The following DNM2 variants were observed in gnomAD, a reference collection of about 807,000 sequenced individuals.
The protein encoded by DNM2 is dynamin-2.
In DNM2, 15 loss-of-function variants were observed where a neutral mutation model predicts 99.0. The ratio of observed to expected loss-of-function variants is 0.15; its 90% CI spans 0.10 to 0.23. The LOEUF is 0.23. Among genes scored for constraint, DNM2 ranks in the 10% least tolerant of loss-of-function variants. DNM2 has a pLI of 1.00. For missense variants in DNM2, 742 were observed against 1,189.4 expected (o/e 0.62, Z 5.53); for synonymous variants, 525 against 481.2 (o/e 1.09, Z -1.19).
chr19:10,766,788 C>T (rs1433306904), intron 2 of DNM2, among the ~76,000 whole-genome samples: 1 of 152,114 alleles, frequency 6.6e-6, no homozygotes, highest in Non-Finnish European at 1.5e-5. Flanking sequence ...ACTCCCTGGC[C>T]TTGGCAGCGT....
At chr19:10,779,502 C>CTTTCTTTTTTTTTTTTTTTTTTTTTTTTT (rs1290878626) in intron 5 of DNM2, among the ~76,000 whole-genome samples, 2 of 29,602 alleles carry the variant, frequency 6.8e-5, no homozygotes, top group African/African-American at 1.4e-4. Context: ...TTCTTTCTTT[C>CTTTCTTTTTTTTTTTTTTTTTTTTTTTTT]TTTTTTTTTT....
At chr19:10,755,064 C>T (rs368139047) in intron 1 of DNM2, 3 of 152,208 alleles carry the variant, frequency 2.0e-5, no homozygotes, top group Non-Finnish European at 4.4e-5. Flanking sequence ...AGTTCAAGTC[C>T]ACCCTGTGAC....
Position 10,830,503 on chromosome 19 carries a change from C to A in DNM2, c.2543+125C>A. ...GCTGGAGTGGAGGAATCGTCCTCAT[C>A]CCTATTTGGCTTGCGAGGAAACAGG... On this transcript the variant is annotated intron_variant, in intron 20 of 20. Transcript: ENST00000389253. This position sits in a 1 kb window ranked among gnomAD's most constrained non-coding sequence, Gnocchi z 4.8. 2.6e-6 allele frequency: 3 copies of A among 1,165,000 alleles called. No homozygotes were observed. The highest frequency in any genetic ancestry group is 3.6e-6 in the Non-Finnish European group (3 of 831,028). The allele number at this position is 1,165,000 out of a possible 1,614,324, so 72.2% of individuals were successfully genotyped here.
chr19:10,776,916 A>G (rs2071175515), intron 4 of DNM2, among the ~76,000 whole-genome samples: 1 of 152,186 alleles, frequency 6.6e-6, no homozygotes. Context: ...GCTCACCCTT[A>G]TGACCACCCT....
chr19:10,745,053 G>A (rs1051970708), intron 1 of DNM2, among the ~76,000 whole-genome samples: 1 of 152,112 alleles, frequency 6.6e-6, no homozygotes, highest in African/African-American at 2.4e-5. Flanking sequence ...TTCAAATCAC[G>A]TTGGAGACTA....
intron 1 of DNM2, among the ~76,000 whole-genome samples, chr19:10,723,359 C>T (rs2069004981): frequency 6.6e-6 from 1 of 152,128 alleles, no homozygotes; most frequent in Non-Finnish European, 1.5e-5. Flanking sequence ...TCTCGAACTC[C>T]CGACCTCAGG....
At chr19:10,761,266 C>T (rs1408805809) in intron 2 of DNM2, among the ~76,000 whole-genome samples, 3 of 152,088 alleles carry the variant, frequency 2.0e-5, no homozygotes, top group East Asian at 3.9e-4. Flanking sequence ...GGATTACAGG[C>T]GTGAGCCACC....
At chr19:10,756,417 A>G (rs773417892) in intron 1 of DNM2, among the ~76,000 whole-genome samples, 1 of 152,014 alleles carries the variant, frequency 6.6e-6, no homozygotes, top group Non-Finnish European at 1.5e-5. Context: ...GCTCCTTTTC[A>G]TGCAAGCCAT....
intron 1 of DNM2, among the ~76,000 whole-genome samples, chr19:10,729,158 C>G: frequency 1.6e-5 from 1 of 62,704 alleles, no homozygotes; most frequent in Non-Finnish European, 2.7e-5. Context: ...GAGCGAGACT[C>G]CGTCTCAAAA....
At chr19:10,734,223 G>A (rs1235643409) in intron 1 of DNM2, among the ~76,000 whole-genome samples, 1 of 151,336 alleles carries the variant, frequency 6.6e-6, no homozygotes, top group Non-Finnish European at 1.5e-5. Context: ...TACACCTGTA[G>A]TCCCAGCCAC....
chr19:10,744,079 G>T (rs910906608), intron 1 of DNM2, among the ~76,000 whole-genome samples: 2 of 151,582 alleles, frequency 1.3e-5, no homozygotes, highest in Admixed American at 6.6e-5. Context: ...AATCACTTGA[G>T]CCCAGGAGGC....
rs2071122596 is a variant in DNM2 at position 10,775,460 on chromosome 19, C to G, written c.386-243C>G. On this transcript the variant is annotated intron_variant, in intron 3 of 20. Transcript: ENST00000389253. The surrounding 1 kb of genome is among the most constrained non-coding windows in gnomAD (Gnocchi z 4.3). ...ATTTATTCAGTCATTTAGGTCTATT[C>G]CAGTCTGAACTGTCCTGATTTAGAA... 6.6e-6 allele frequency among the ~76,000 whole-genome samples: 1 copy of G among 152,172 alleles called. No homozygotes were observed. The highest frequency in any genetic ancestry group is 1.5e-5 in the Non-Finnish European group (1 of 68,046).
chr19:10,793,899 C>G, intron 8 of DNM2, 44 bp downstream of exon 8: 1 of 1,613,764 alleles, frequency 6.2e-7, no homozygotes, highest in Non-Finnish European at 8.5e-7. Flanking sequence ...TGGTCAGGCA[C>G]CCTCCTGCTG....
intron 6 of DNM2, among the ~76,000 whole-genome samples, chr19:10,786,189 CA>C (rs1371086120): frequency 6.6e-6 from 1 of 152,196 alleles, no homozygotes; most frequent in Non-Finnish European, 1.5e-5. Context: ...TCCACCTTTT[CA>C]GGGGCGATCT....
chr19:10,748,599 A>G (rs1408593732), intron 1 of DNM2, among the ~76,000 whole-genome samples: 3 of 152,140 alleles, frequency 2.0e-5, no homozygotes, highest in Non-Finnish European at 4.4e-5. Context: ...TTCTGCTCCA[A>G]CAGAGCGACA....
intron 1 of DNM2, among the ~76,000 whole-genome samples, chr19:10,751,455 G>A (rs2070191540): frequency 6.6e-6 from 1 of 152,182 alleles, no homozygotes; most frequent in Admixed American, 6.5e-5. Context: ...CTGCTAAGTG[G>A]CCAGTGTCAG....
In DNM2 at chr19:10,786,620, C is replaced by A. The variant is rs1314241405; in HGVS notation, c.906C>A (p.Ser302Arg). Reference protein sequence around the residue: ...SLPALRSKLQSQLLSLEKEVE... With the variant: ...SLPALRSKLQRQLLSLEKEVE... Reference sequence around the variant, plus strand: ...CGGCCCTACGTAGCAAACTACAGAGCCAGCTGCTGTCCCTGGAGAAGGAGG... The same window carrying A: ...CGGCCCTACGTAGCAAACTACAGAGACAGCTGCTGTCCCTGGAGAAGGAGG... Residue 302 changes from serine to arginine, a missense_variant, in exon 7 of 21, where the codon AGC becomes AGA. By Grantham distance (110) the Ser-to-Arg change is moderately radical. Around this residue, in one of 7 missense-constraint regions of DNM2, gnomAD observed 44 missense variants for 41.3 expected, o/e 1.06. Transcript: ENST00000389253. The A allele has an allele frequency of 3.1e-6, 5 of 1,614,178 alleles. No homozygotes were observed. Among genetic ancestry groups the A allele is most frequent in the Non-Finnish European group, 4.2e-6 (5 of 1,180,034 alleles).
chr19:10,732,260 T>TCTGTTAA (rs2069349121), intron 1 of DNM2, among the ~76,000 whole-genome samples: 1 of 146,010 alleles, frequency 6.8e-6, no homozygotes, highest in African/African-American at 2.5e-5. Context: ...TAAACTCTTT[T>TCTGTTAA]CTGTTAAAGG....
chr19:10,744,156 T>TAAAA (rs35842666), intron 1 of DNM2, among the ~76,000 whole-genome samples: 1 of 144,954 alleles, frequency 6.9e-6, no homozygotes, highest in African/African-American at 2.5e-5. Context: ...AGACTCCATC[T>TAAAA]AAAAAAAAAA....
Sources: allele counts gnomAD v4.1 joint callset (sites outside exome capture counted in the v4.1 genomes callset), GRCh38; gene constraint gnomAD v4.1.1; regional missense constraint gnomAD v4.1.1; non-coding constraint Gnocchi (gnomAD v3.1); transcripts MANE v1.5; gene names NCBI Gene and HGNC (gene_info 2026-07-23, HGNC 2026-07-21).